SEMA3E: variants seen among roughly 807,000 people sequenced by gnomAD.
SEMA3E encodes the protein semaphorin-3E.
SEMA3E carries 49 observed loss-of-function variants against 93.6 expected under a neutral mutation model. The observed-to-expected ratio is 0.52, with a 90% CI of 0.42 to 0.66. The LOEUF (loss-of-function observed/expected upper bound fraction) is 0.66, where lower values mean the gene tolerates loss of function less well. Among genes scored for constraint, SEMA3E ranks in the 30% least tolerant of loss-of-function variants. SEMA3E has a pLI of 0.00. For missense variants in SEMA3E, 906 were observed against 964.8 expected, an observed-to-expected ratio of 0.94 and a Z score of 0.81; for synonymous variants, 363 against 330.7, an observed-to-expected ratio of 1.10 and a Z score of -1.06.
intron 16 of SEMA3E, among the ~76,000 whole-genome samples, chr7:83,381,206 T>C (rs1327788076): frequency 1.3e-5 from 2 of 151,998 alleles, no homozygotes; most frequent in African/African-American, 4.8e-5. Flanking sequence ...ACCAAAACCC[T>C]ATGAAATGGC....
At chr7:83,463,777 A>G (rs1789688517) in intron 4 of SEMA3E, among the ~76,000 whole-genome samples, 1 of 152,128 alleles carries the variant, frequency 6.6e-6, no homozygotes, top group South Asian at 2.1e-4. Context: ...CAAGGAAATA[A>G]CTTCTCAGTG....
intron 4 of SEMA3E, among the ~76,000 whole-genome samples, chr7:83,464,487 G>A (rs1455296018): frequency 5.8e-5 from 6 of 103,990 alleles, no homozygotes; most frequent in African/African-American, 1.5e-4. Flanking sequence ...AGCCATCACA[G>A]CTGATATCTC....
intron 1 of SEMA3E, among the ~76,000 whole-genome samples, chr7:83,491,281 A>G (rs1258029409): frequency 6.6e-6 from 1 of 152,028 alleles, no homozygotes; most frequent in East Asian, 1.9e-4. Context: ...TATTAATAAT[A>G]TATTCCTTAT....
At chr7:83,480,013 T>C (rs1790113154) in intron 2 of SEMA3E, among the ~76,000 whole-genome samples, 1 of 152,082 alleles carries the variant, frequency 6.6e-6, no homozygotes, top group South Asian at 2.1e-4. Flanking sequence ...AAAGAGAAAA[T>C]GGCAGAAAAA....
At position 83,648,571 on chromosome 7, in the gene SEMA3E, C is replaced by T; in HGVS notation, c.-29G>A. The T allele has an allele frequency of 6.4e-7, 1 of 1,551,594 alleles. No homozygotes were observed. Among genetic ancestry groups the T allele is most frequent in the East Asian group, 2.2e-5 (1 of 44,480 alleles). ...GCCGTGTTCACCGTCCAAGCCCTCG[C>T]TCCTCACTTTAAGGAGGGTCTGAGT... On this transcript the variant is annotated 5_prime_UTR_variant, in exon 1 of 17. Coordinates refer to ENST00000643230, the MANE Select transcript of SEMA3E (RefSeq NM_012431.3).
chr7:83,416,510 T>A (rs954797215), intron 5 of SEMA3E, among the ~76,000 whole-genome samples: 1 of 152,082 alleles, frequency 6.6e-6, no homozygotes, highest in Non-Finnish European at 1.5e-5. Context: ...TTAAATGAAA[T>A]GTTAAAAAAT....
chr7:83,384,563 A>T (rs964511246), intron 16 of SEMA3E, among the ~76,000 whole-genome samples: 1 of 151,968 alleles, frequency 6.6e-6, no homozygotes, highest in African/African-American at 2.4e-5. Context: ...CTACATCACC[A>T]TGATCTGCCT....
chr7:83,565,133 A>G (rs1426456266), intron 1 of SEMA3E, among the ~76,000 whole-genome samples: 2 of 152,188 alleles, frequency 1.3e-5, no homozygotes, highest in African/African-American at 4.8e-5. Context: ...ACACCGTCCC[A>G]AGACTAAACC....
intron 1 of SEMA3E, among the ~76,000 whole-genome samples, chr7:83,518,092 G>C (rs1196275868): frequency 6.6e-6 from 1 of 151,790 alleles, no homozygotes; most frequent in Non-Finnish European, 1.5e-5. Context: ...TCCATGTGAA[G>C]TCCCTGCTTT....
chr7:83,600,456 A>G (rs1792966091), intron 1 of SEMA3E, among the ~76,000 whole-genome samples: 4 of 141,074 alleles, frequency 2.8e-5, no homozygotes, highest in Admixed American at 2.2e-4. Context: ...AGTAGCTGGG[A>G]CTACAGGCGC....
At chr7:83,545,203 T>G (rs912932734) in intron 1 of SEMA3E, among the ~76,000 whole-genome samples, 1 of 152,186 alleles carries the variant, frequency 6.6e-6, no homozygotes, top group African/African-American at 2.4e-5. Context: ...ACGGGAGCCA[T>G]AATTGAATAA....
At chr7:83,540,977 T>A (rs2115762612) in intron 1 of SEMA3E, among the ~76,000 whole-genome samples, 1 of 152,242 alleles carries the variant, frequency 6.6e-6, no homozygotes, top group East Asian at 1.9e-4. Flanking sequence ...ATGACTTAGA[T>A]GTCACAAAAA....
chr7:83,377,782 T>G lies in SEMA3E; in HGVS notation c.1875+7512A>C, dbSNP rs988932655. Among the ~76,000 whole-genome samples, 7 of 152,016 alleles carry G rather than the reference T, an allele frequency of 4.6e-5. No homozygotes were observed. The South Asian group carries it at 1.4e-3, about 31-fold the overall frequency. On this transcript the variant is annotated intron_variant, in intron 16 of 16. Transcript: ENST00000643230. ...TCACTAATAACCATTTACATTTAAA[T>G]AAATAATGCATATTTAAATTTTTCC...
In SEMA3E at chr7:83,468,680, A is replaced by T. The variant is rs189417200; in HGVS notation, c.336+563T>A. ...CTCGCATGTGAAAGTTCTATCACTG[A>T]TGTCTTAGTGTGTTAGGGACTGTGT... is the stretch of plus-strand genomic sequence containing the variant. On this transcript the variant is annotated intron_variant, in intron 3 of 16. Transcript: ENST00000643230. Among the ~76,000 whole-genome samples the T allele has an allele frequency of 1.3e-3, 203 of 152,226 alleles. 1 individual carries two copies. Among genetic ancestry groups the T allele is most frequent in the African/African-American group, 3.5e-3 (146 of 41,526 alleles).
chr7:83,572,171 G>T (rs1792300530), intron 1 of SEMA3E, among the ~76,000 whole-genome samples: 1 of 151,814 alleles, frequency 6.6e-6, no homozygotes, highest in South Asian at 2.1e-4. Context: ...CAGAATCAAT[G>T]TTATCCTGAT....
At chr7:83,643,153 G>T (rs780186690) in intron 1 of SEMA3E, among the ~76,000 whole-genome samples, 34 of 151,922 alleles carry the variant, frequency 2.2e-4, no homozygotes, top group Non-Finnish European at 4.4e-4. Context: ...ATAGAACTGA[G>T]GCCACCAAGT....
chr7:83,484,771 C>T (rs991225880), intron 2 of SEMA3E, among the ~76,000 whole-genome samples: 5 of 151,992 alleles, frequency 3.3e-5, no homozygotes, highest in African/African-American at 1.2e-4. Flanking sequence ...TAATTCTATA[C>T]TCAATGTGTT....
At chr7:83,523,283 C>T (rs1036391546) in intron 1 of SEMA3E, among the ~76,000 whole-genome samples, 7 of 152,044 alleles carry the variant, frequency 4.6e-5, no homozygotes, top group African/African-American at 1.7e-4. Context: ...ACAGTTTTTA[C>T]TCGTGTTTGT....
intron 1 of SEMA3E, among the ~76,000 whole-genome samples, chr7:83,559,316 A>C (rs1791979681): frequency 6.6e-6 from 1 of 152,120 alleles, no homozygotes; most frequent in Non-Finnish European, 1.5e-5. Flanking sequence ...CATGGAATGG[A>C]AGTCATCTTA....
Sources: allele counts gnomAD v4.1 joint callset (sites outside exome capture counted in the v4.1 genomes callset), GRCh38; gene constraint gnomAD v4.1.1; transcripts MANE v1.5; gene names NCBI Gene and HGNC (gene_info 2026-07-23, HGNC 2026-07-21).